Variants in NPR3 observed in about 807,000 individuals in gnomAD.
NPR3 encodes natriuretic peptide receptor 3.
A neutral mutation model predicts 54.5 loss-of-function variants in NPR3; 34 were observed. That is an observed-to-expected ratio of 0.62 (90% confidence interval 0.47 to 0.83). The LOEUF is 0.83. Ranked by LOEUF, NPR3 falls within the 40% of genes least tolerant of loss-of-function variation. The probability of loss-of-function intolerance (pLI) is 0.00; values close to 1 mark genes in which losing one functional copy is unlikely to be tolerated. For synonymous variants in NPR3, 289 were observed against 297.1 expected (o/e 0.97, Z 0.28); for missense variants, 674 against 720.8 (o/e 0.94, Z 0.74).
At chr5:32,744,617 TAGCTATC>T (rs1431864335) in intron 3 of NPR3, among the ~76,000 whole-genome samples, 1 of 152,166 alleles carries the variant, frequency 6.6e-6, no homozygotes, top group African/African-American at 2.4e-5. Flanking sequence ...CATCGGATGG[TAGCTATC>T]ATTTCTCTTA....
intron 4 of NPR3, among the ~76,000 whole-genome samples, chr5:32,779,362 G>T (rs1287511375): frequency 6.6e-6 from 1 of 152,198 alleles, no homozygotes; most frequent in African/African-American, 2.4e-5. Flanking sequence ...TTTAGTGAAT[G>T]AAAATTATGA....
chr5:32,712,619 A>G, intron 1 of NPR3, 74 bp downstream of exon 1: 1 of 1,367,690 alleles, frequency 7.3e-7, no homozygotes, highest in Non-Finnish European at 9.8e-7. Flanking sequence ...ACACTCGTCC[A>G]CTCTGCAGAC....
Position 32,789,746 on chromosome 5 carries a change from T to C in NPR3, c.*3401T>C, listed in dbSNP as rs1173756. ...TGTGTGTAAGACATGCAGTCAACAA[T>C]GAGATGAAGGCCATTGCATAGATCT... On this transcript the variant is annotated 3_prime_UTR_variant, in exon 8 of 8. Coordinates refer to ENST00000265074, the MANE Select transcript of NPR3 (RefSeq NM_001204375.2). 300,430 of 533,628 alleles carry C rather than the reference T, an allele frequency of 0.56. 86,109 individuals carry two copies. Among genetic ancestry groups the C allele is most frequent in the African/African-American group, 0.72 (37,423 of 51,914 alleles). 33.1% of individuals were successfully genotyped at this position (533,628 alleles called of 1,614,324 possible).
intron 2 of NPR3, among the ~76,000 whole-genome samples, chr5:32,729,837 A>T (rs1376825740): frequency 6.6e-6 from 1 of 152,232 alleles, no homozygotes; most frequent in Non-Finnish European, 1.5e-5. Context: ...ATGACTGTAC[A>T]TATTTTACCA....
chr5:32,709,036 G>A (rs1738076099), upstream of NPR3, among the ~76,000 whole-genome samples: 1 of 151,994 alleles, frequency 6.6e-6, no homozygotes, highest in East Asian at 1.9e-4. Context: ...AAAAGCTGCG[G>A]AGAGGCTACG....
At chr5:32,751,440 G>T (rs986195062) in intron 3 of NPR3, among the ~76,000 whole-genome samples, 1 of 152,196 alleles carries the variant, frequency 6.6e-6, no homozygotes, top group South Asian at 2.1e-4. Flanking sequence ...AGGGAAGGCA[G>T]GGTCCTGACT....
chr5:32,746,517 G>A (rs970952950), intron 3 of NPR3, among the ~76,000 whole-genome samples: 4 of 152,194 alleles, frequency 2.6e-5, no homozygotes, highest in Admixed American at 6.5e-5. Flanking sequence ...TCCCTTGGAA[G>A]AAACTGAACA....
At chr5:32,762,378 C>T (rs1192161168) in intron 3 of NPR3, among the ~76,000 whole-genome samples, 1 of 151,306 alleles carries the variant, frequency 6.6e-6, no homozygotes, top group South Asian at 2.1e-4. Flanking sequence ...CACTGTCTTC[C>T]ACAATGGTTG....
At chr5:32,752,953 T>C (rs1457067907) in intron 3 of NPR3, among the ~76,000 whole-genome samples, 3 of 152,214 alleles carry the variant, frequency 2.0e-5, no homozygotes, top group Non-Finnish European at 2.9e-5. Context: ...TGTGCTAAAG[T>C]AGAATATTTG....
chr5:32,712,819 C>G (rs1365887569), intron 1 of NPR3, among the ~76,000 whole-genome samples: 1 of 152,226 alleles, frequency 6.6e-6, no homozygotes, highest in Non-Finnish European at 1.5e-5. Flanking sequence ...CTGTCAAACA[C>G]TTCGATGTTT....
intron 1 of NPR3, among the ~76,000 whole-genome samples, chr5:32,698,079 G>A (rs1402783886): frequency 6.6e-6 from 1 of 151,780 alleles, no homozygotes; most frequent in African/African-American, 2.4e-5. Flanking sequence ...ACATCATTAG[G>A]TTGTTTAATT....
At chr5:32,752,940 A>T (rs965097257) in intron 3 of NPR3, among the ~76,000 whole-genome samples, 1 of 152,200 alleles carries the variant, frequency 6.6e-6, no homozygotes, top group Non-Finnish European at 1.5e-5. Context: ...ACTTAGCTTT[A>T]GTTGTGCTAA....
intron 3 of NPR3, among the ~76,000 whole-genome samples, chr5:32,743,369 C>A (rs772492660): frequency 1.1e-4 from 16 of 152,026 alleles, no homozygotes; most frequent in Middle Eastern, 3.4e-3. Flanking sequence ...CTCAGATTTC[C>A]CAGTTTTACC....
chr5:32,760,185 C>T (rs923698817), intron 3 of NPR3, among the ~76,000 whole-genome samples: 5 of 151,712 alleles, frequency 3.3e-5, no homozygotes, highest in Admixed American at 2.6e-4. Context: ...TTCTTGAATA[C>T]GTTTTTTTGC....
At chr5:32,740,751 A>C (rs1156825227) in intron 3 of NPR3, among the ~76,000 whole-genome samples, 9 of 152,170 alleles carry the variant, frequency 5.9e-5, no homozygotes, top group Admixed American at 2.6e-4. Context: ...ATCCAGTGTG[A>C]TTTTACACTT....
chr5:32,781,252 G>T (rs1387203470), intron 5 of NPR3, among the ~76,000 whole-genome samples: 1 of 151,976 alleles, frequency 6.6e-6, no homozygotes, highest in Non-Finnish European at 1.5e-5. Flanking sequence ...CCGTGCTTGG[G>T]AGTGTGAACT....
intron 1 of NPR3, chr5:32,713,256 C>T: frequency 4.1e-6 from 4 of 985,442 alleles, no homozygotes; most frequent in Non-Finnish European, 4.8e-6. Flanking sequence ...TGCGGGAGTG[C>T]CTTTTGAAGA....
At chr5:32,694,128 T>C (rs538148075) in intron 1 of NPR3, among the ~76,000 whole-genome samples, 1 of 152,348 alleles carries the variant, frequency 6.6e-6, no homozygotes, top group African/African-American at 2.4e-5. Flanking sequence ...CTACTCTCTT[T>C]GTCCCATTAT....
chr5:32,746,459 G>A (rs183428361), intron 3 of NPR3, among the ~76,000 whole-genome samples: 59 of 152,272 alleles, frequency 3.9e-4, no homozygotes, highest in Non-Finnish European at 6.8e-4. Context: ...TATTCACATG[G>A]ATAGGGTACG....
Sources: gnomAD v4.1 joint callset for allele counts (sites outside exome capture counted in the v4.1 genomes callset) on GRCh38, gnomAD v4.1.1 for gene constraint, MANE v1.5 for transcripts, NCBI Gene and HGNC (gene_info 2026-07-23, HGNC 2026-07-21) for gene names.